KCTD11: variants seen among roughly 807,000 people sequenced by gnomAD.
KCTD11 encodes BTB/POZ domain-containing protein KCTD11.
In KCTD11, 8 loss-of-function variants were observed where a neutral mutation model predicts 10.7. That is an observed-to-expected ratio of 0.74 (90% CI 0.44 to 1.34). The LOEUF (loss-of-function observed/expected upper bound fraction) is 1.34, where lower values mean the gene tolerates loss of function less well. Ranked by LOEUF, KCTD11 falls within the 40% of genes most tolerant of loss-of-function variation. The pLI is 0.01. For synonymous variants in KCTD11, 153 were observed against 160.8 expected (o/e 0.95, Z 0.37); for missense variants, 346 against 356.1 (o/e 0.97, Z 0.23).
rs1174692678 is a variant in KCTD11, at chr17:7,352,932, TC to T, written c.110del (p.Pro37GlnfsTer43). 2.6e-6 allele frequency: 4 copies of T among 1,568,024 alleles called. No homozygotes were observed. The highest frequency in any genetic ancestry group is 3.5e-6 in the Non-Finnish European group (4 of 1,152,794). On this transcript the variant is annotated frameshift_variant, in exon 1 of 1. Coordinates refer to ENST00000333751, the MANE Select transcript of KCTD11 (RefSeq NM_001363642.1). LOFTEE classifies it high-confidence loss of function. The surrounding 1 kb of genome is among the most constrained non-coding windows in gnomAD (Gnocchi z 4.5). ...ACCACTTTGGAGACCCTGACCCGCTTCCCAGACTCTATGCTGGGGGCCATGT... is the reference window on the plus strand; with the variant it reads ...ACCACTTTGGAGACCCTGACCCGCTTCCAGACTCTATGCTGGGGGCCATGT...
chr17:7,353,535 A>T lies in KCTD11; in HGVS notation c.710A>T (p.Glu237Val), dbSNP rs370358704. 2.6e-5 allele frequency: 41 copies of T among 1,575,078 alleles called. No homozygotes were observed. Among genetic ancestry groups the T allele is most frequent in the Admixed American group, 5.3e-5 (3 of 56,558 alleles). ...GTGGTGGGCACCCCAAGCTTCCTGG[A>T]GGAGGTGCTGCGGGTGGCTCTCGAG... The change falls in exon 1 of 1, where the codon GAG becomes GTG. Residue 237 changes from glutamate (E) to valine (V), a missense_variant. Transcript: ENST00000333751. The surrounding 1 kb of genome is among the most constrained non-coding windows in gnomAD (Gnocchi z 4.9).
In KCTD11 at chr17:7,353,511, T is replaced by A; in HGVS notation, c.686T>A (p.Val229Glu). Residue 229 changes from valine to glutamate, a missense_variant, in exon 1 of 1, where the codon GTG (valine) becomes GAG (glutamate). Transcript: ENST00000333751. The surrounding 1 kb of genome is among the most constrained non-coding windows in gnomAD (Gnocchi z 4.9). ...GGGGGGCCAGGAGAGCGGCGGGAGG[T>A]GGTGGGCACCCCAAGCTTCCTGGAG... 6.4e-7 allele frequency: 1 copy of A among 1,565,476 alleles called. No individual in the cohort carries two copies. Among genetic ancestry groups the A allele is most frequent in the Non-Finnish European group, 8.7e-7 (1 of 1,153,708 alleles).
At position 7,353,555 on chromosome 17, in the gene KCTD11, C is replaced by G. The variant is rs1454706020; in HGVS notation, c.730C>G (p.Leu244Val). Residue 244 changes from leucine (L) to valine (V), a missense_variant, in exon 1 of 1, where the codon CTC becomes GTC. Leu to Val is a conservative substitution (Grantham distance 32, BLOSUM62 1). Transcript: ENST00000333751. The surrounding 1 kb of genome is among the most constrained non-coding windows in gnomAD (Gnocchi z 4.9). ...CCTGGAGGAGGTGCTGCGGGTGGCTCTCGAGCACGGCTTCCGACTAGACTC... is the reference window on the plus strand; with the variant it reads ...CCTGGAGGAGGTGCTGCGGGTGGCTGTCGAGCACGGCTTCCGACTAGACTC... The G allele has an allele frequency of 6.4e-7, 1 of 1,558,328 alleles. No homozygotes were observed. Among genetic ancestry groups the G allele is most frequent in the East Asian group, 2.3e-5 (1 of 44,376 alleles).
rs1267524323 is a variant in KCTD11, at chr17:7,354,513, G to A, written c.*872G>A. 6.1e-6 allele frequency: 1 copy of A among 162,802 alleles called. No individual in the cohort carries two copies. Among genetic ancestry groups the A allele is most frequent in the African/African-American group, 2.5e-5 (1 of 40,078 alleles). The allele number at this position is 162,802 out of a possible 1,614,324, so 10.1% of individuals were successfully genotyped here. ...ATACCTGTGAGGTGGTTGACAATTA[G>A]TAGTTTAATCACAGGGTGTGTGTGT... is the stretch of plus-strand genomic sequence containing the variant. On this transcript the variant is annotated 3_prime_UTR_variant, in exon 1 of 1. Coordinates refer to ENST00000333751, the MANE Select transcript of KCTD11 (RefSeq NM_001363642.1).
chr17:7,354,848 C>G lies in KCTD11; in HGVS notation c.*1207C>G. On this transcript the variant is annotated 3_prime_UTR_variant, in exon 1 of 1. Coordinates refer to ENST00000333751, the MANE Select transcript of KCTD11 (RefSeq NM_001363642.1). ...GGTCCCAGAGCGGGTGGGATACTCA[C>G]GCACAGCTTCTTCACTGGTGGGGGG... 3.9e-6 allele frequency: 1 copy of G among 257,114 alleles called. No individual in the cohort carries two copies. Among genetic ancestry groups the G allele is most frequent in the Non-Finnish European group, 8.0e-6 (1 of 124,542 alleles). 15.9% of individuals were successfully genotyped at this position (257,114 alleles called of 1,614,324 possible).
In KCTD11 at chr17:7,353,073, G is replaced by C. The variant is rs758327151; in HGVS notation, c.248G>C (p.Arg83Pro). 1 of 1,613,306 alleles carries C rather than the reference G, an allele frequency of 6.2e-7. No homozygotes were observed. The highest frequency in any genetic ancestry group is 2.2e-5 in the East Asian group (1 of 44,888). Residue 83 changes from arginine (R) to proline (P), a missense_variant, in exon 1 of 1, where the codon CGC becomes CCC. Transcript: ENST00000333751. The surrounding 1 kb of genome is among the most constrained non-coding windows in gnomAD (Gnocchi z 4.9). ...ATCCTCAATTTCCTGAGGCTGGGCCGCCTGGACCTGCCCCGTGGGTACGGA... is the reference window on the plus strand; with the variant it reads ...ATCCTCAATTTCCTGAGGCTGGGCCCCCTGGACCTGCCCCGTGGGTACGGA...
rs200825321 is a variant in KCTD11, at chr17:7,353,633, C to T, written c.808C>T (p.Arg270Trp). The T allele has an allele frequency of 1.4e-5, 21 of 1,515,692 alleles. No individual in the cohort carries two copies. In the Admixed American group the frequency reaches 2.0e-4, roughly 15 times the overall value. 93.9% of individuals were successfully genotyped at this position (1,515,692 alleles called of 1,614,324 possible). A position where few individuals can be genotyped will look rare whatever the true frequency, so the allele number is the denominator to read the frequency against. The change falls in exon 1 of 1, where the codon CGG (arginine) becomes TGG (tryptophan). Residue 270 changes from arginine (R) to tryptophan (W), a missense_variant. Coordinates refer to ENST00000333751, the MANE Select transcript of KCTD11 (RefSeq NM_001363642.1). The surrounding 1 kb of genome is among the most constrained non-coding windows in gnomAD (Gnocchi z 4.9). The stretch of plus-strand genomic sequence containing the variant: ...CAACTCCAGGTCTCTGCGCTTTGTC[C>T]GGCACTGAGGATGCTGTTCTCAGTT...
chr17:7,353,800 C>T lies in KCTD11; in HGVS notation c.*159C>T. 2.8e-6 allele frequency: 2 copies of T among 710,360 alleles called. No homozygotes were observed. Among genetic ancestry groups the T allele is most frequent in the East Asian group, 5.6e-5 (2 of 35,902 alleles). The allele number at this position is 710,360 out of a possible 1,614,324, so 44.0% of individuals were successfully genotyped here. ...GCAGGAATTCCCAAACCTGAGCCCA[C>T]CAAGGACTCACAAGTGGTCCAGAAG... is the stretch of plus-strand genomic sequence containing the variant. On this transcript the variant is annotated 3_prime_UTR_variant, in exon 1 of 1. Transcript: ENST00000333751. This position sits in a 1 kb window ranked among gnomAD's most constrained non-coding sequence, Gnocchi z 4.9.
In KCTD11 at chr17:7,353,140, C is replaced by G; in HGVS notation, c.315C>G (p.Ile105Met). ...GGGCAGAGGCTGACTTCTACCAGATCCGGCCCCTCCTGGACGCGCTGCGGG... is the reference window on the plus strand; with the variant it reads ...GGGCAGAGGCTGACTTCTACCAGATGCGGCCCCTCCTGGACGCGCTGCGGG... Residue 105 changes from isoleucine (I) to methionine (M), a missense_variant, in exon 1 of 1, where the codon ATC becomes ATG. Physicochemically the swap from Ile to Met is conservative, Grantham distance 10 (BLOSUM62 1). Transcript: ENST00000333751. This position sits in a 1 kb window ranked among gnomAD's most constrained non-coding sequence, Gnocchi z 4.9. The G allele has an allele frequency of 6.2e-7, 1 of 1,612,944 alleles. No homozygotes were observed. The highest frequency in any genetic ancestry group is 8.5e-7 in the Non-Finnish European group (1 of 1,179,414).
chr17:7,353,440 C>T lies in KCTD11; in HGVS notation c.615C>T (p.Leu205=). The change falls in exon 1 of 1, where the codon CTC becomes CTT. Residue 205 remains leucine (L), a synonymous_variant. Coordinates refer to ENST00000333751, the MANE Select transcript of KCTD11 (RefSeq NM_001363642.1). This position sits in a 1 kb window ranked among gnomAD's most constrained non-coding sequence, Gnocchi z 4.9. ...AGTGGGCCCCCCGCCCCGTGGAACTCCCCGAGGTGGAGTATGGGAGACTGG... is the reference window on the plus strand; with the variant it reads ...AGTGGGCCCCCCGCCCCGTGGAACTTCCCGAGGTGGAGTATGGGAGACTGG... 1 of 1,612,586 alleles carries T rather than the reference C, an allele frequency of 6.2e-7. No individual in the cohort carries two copies. The highest frequency in any genetic ancestry group is 8.5e-7 in the Non-Finnish European group (1 of 1,179,946).
chr17:7,352,951 G>T lies in KCTD11; in HGVS notation c.126G>T (p.Gly42=). The stretch of plus-strand genomic sequence containing the variant: ...CCCGCTTCCCAGACTCTATGCTGGG[G>T]GCCATGTTTAGGGCCGGCACCCCCA... Residue 42 remains glycine (G), a synonymous_variant, in exon 1 of 1, where the codon GGG becomes GGT. Transcript: ENST00000333751. The surrounding 1 kb of genome is among the most constrained non-coding windows in gnomAD (Gnocchi z 4.5). 5.7e-6 allele frequency: 9 copies of T among 1,588,706 alleles called. No individual in the cohort carries two copies. Among genetic ancestry groups the T allele is most frequent in the Non-Finnish European group, 7.7e-6 (9 of 1,163,224 alleles).
At position 7,354,023 on chromosome 17, in the gene KCTD11, T is replaced by A. The variant is rs1779392085; in HGVS notation, c.*382T>A. The A allele has an allele frequency of 5.0e-6, 1 of 199,926 alleles. No homozygotes were observed. Among genetic ancestry groups the A allele is most frequent in the Non-Finnish European group, 1.1e-5 (1 of 89,692 alleles). 12.4% of individuals were successfully genotyped at this position (199,926 alleles called of 1,614,324 possible). A position where few individuals can be genotyped will look rare whatever the true frequency, so the allele number is the denominator to read the frequency against. On this transcript the variant is annotated 3_prime_UTR_variant, in exon 1 of 1. Coordinates refer to ENST00000333751, the MANE Select transcript of KCTD11 (RefSeq NM_001363642.1). The stretch of plus-strand genomic sequence containing the variant: ...TTGAGGTCTGGGGAAAAGGGAGGAC[T>A]TTGCATTTTCCCAATGCGGTCTCTT...
chr17:7,353,621 C>G lies in KCTD11; in HGVS notation c.796C>G (p.Leu266Val). 4 of 1,520,150 alleles carry G rather than the reference C, an allele frequency of 2.6e-6. No homozygotes were observed. The highest frequency in any genetic ancestry group is 3.5e-6 in the Non-Finnish European group (4 of 1,135,322). 94.2% of individuals were successfully genotyped at this position (1,520,150 alleles called of 1,614,324 possible). ...CGAAGACCTGCTCAACTCCAGGTCT[C>G]TGCGCTTTGTCCGGCACTGAGGATG... The change falls in exon 1 of 1, where the codon CTG becomes GTG. Residue 266 changes from leucine to valine, a missense_variant. Transcript: ENST00000333751. The surrounding 1 kb of genome is among the most constrained non-coding windows in gnomAD (Gnocchi z 4.9).
Position 7,353,870 on chromosome 17 carries a change from C to T in KCTD11, c.*229C>T. 2.2e-6 allele frequency: 1 copy of T among 462,918 alleles called. No homozygotes were observed. Among genetic ancestry groups the T allele is most frequent in the Non-Finnish European group, 3.9e-6 (1 of 255,598 alleles). 28.7% of individuals were successfully genotyped at this position (462,918 alleles called of 1,614,324 possible). A position where few individuals can be genotyped will look rare whatever the true frequency, so the allele number is the denominator to read the frequency against. On this transcript the variant is annotated 3_prime_UTR_variant, in exon 1 of 1. Coordinates refer to ENST00000333751, the MANE Select transcript of KCTD11 (RefSeq NM_001363642.1). This position sits in a 1 kb window ranked among gnomAD's most constrained non-coding sequence, Gnocchi z 4.9. ...CTGGGAGGGGTAGGGAAGGTTCTCTCAGCTTGTTCTTGCCTAAGGCTGAGC... is the reference window on the plus strand; with the variant it reads ...CTGGGAGGGGTAGGGAAGGTTCTCTTAGCTTGTTCTTGCCTAAGGCTGAGC...
Position 7,353,713 on chromosome 17 carries a change from G to T in KCTD11, c.*72G>T. The T allele has an allele frequency of 7.2e-7, 1 of 1,398,222 alleles. No individual in the cohort carries two copies. The highest frequency in any genetic ancestry group is 9.6e-7 in the Non-Finnish European group (1 of 1,036,554). 86.6% of individuals were successfully genotyped at this position (1,398,222 alleles called of 1,614,324 possible). A position where few individuals can be genotyped will look rare whatever the true frequency, so the allele number is the denominator to read the frequency against. ...CTAGCACCCCTGAAGCCTCTTTCCA[G>T]CTCTGCTTCAGGAGCTATGAGAGTC... On this transcript the variant is annotated 3_prime_UTR_variant, in exon 1 of 1. Transcript: ENST00000333751. This position sits in a 1 kb window ranked among gnomAD's most constrained non-coding sequence, Gnocchi z 4.9.
chr17:7,352,990 CA>C lies in KCTD11; in HGVS notation c.167del (p.Asn56IlefsTer24), dbSNP rs1226185420. On this transcript the variant is annotated frameshift_variant, in exon 1 of 1. Transcript: ENST00000333751. LOFTEE classifies it high-confidence loss of function. This position sits in a 1 kb window ranked among gnomAD's most constrained non-coding sequence, Gnocchi z 4.5. Reference sequence around the variant, plus strand: ...CCGGCACCCCCATGCCCCCCAACCTCAATTCCCAAGGAGGCGGCCACTACTT... The same window carrying C: ...CCGGCACCCCCATGCCCCCCAACCTCATTCCCAAGGAGGCGGCCACTACTT... The C allele has an allele frequency of 6.2e-7, 1 of 1,608,392 alleles. No individual in the cohort carries two copies. The highest frequency in any genetic ancestry group is 8.5e-7 in the Non-Finnish European group (1 of 1,176,130).
Position 7,352,340 on chromosome 17 carries a change from G to C in KCTD11, c.-486G>C, listed in dbSNP as rs2143019286. The C allele has an allele frequency of 6.5e-6, 1 of 154,426 alleles. No individual in the cohort carries two copies. The highest frequency in any genetic ancestry group is 2.1e-4 in the South Asian group (1 of 4,866). The allele number at this position is 154,426 out of a possible 1,614,324, so 9.6% of individuals were successfully genotyped here. On this transcript the variant is annotated 5_prime_UTR_variant, in exon 1 of 1. Coordinates refer to ENST00000333751, the MANE Select transcript of KCTD11 (RefSeq NM_001363642.1). The surrounding 1 kb of genome is among the most constrained non-coding windows in gnomAD (Gnocchi z 4.5). ...GGGGCTCCGCCATCCGCTCCCGTCA[G>C]TTCGGCCTCCATCTCCTGGGACCCG...
At position 7,353,357 on chromosome 17, in the gene KCTD11, G is replaced by A. The variant is rs1285724089; in HGVS notation, c.532G>A (p.Ala178Thr). Reference sequence around the variant, plus strand: ...CTCTGAGTGTCTAGGTGCTTTGCGGGCCCGATTTGGTGTGGCCAGTGGGGA... The same window carrying A: ...CTCTGAGTGTCTAGGTGCTTTGCGGACCCGATTTGGTGTGGCCAGTGGGGA... The change falls in exon 1 of 1, where the codon GCC (alanine) becomes ACC (threonine). Residue 178 changes from alanine to threonine, a missense_variant. By Grantham distance (58) the Ala-to-Thr change is moderately conservative. Coordinates refer to ENST00000333751, the MANE Select transcript of KCTD11 (RefSeq NM_001363642.1). The surrounding 1 kb of genome is among the most constrained non-coding windows in gnomAD (Gnocchi z 4.9). The A allele has an allele frequency of 6.2e-7, 1 of 1,614,122 alleles. No individual in the cohort carries two copies. The highest frequency in any genetic ancestry group is 1.7e-5 in the Admixed American group (1 of 60,032).
Position 7,353,666 on chromosome 17 carries a change from G to A in KCTD11, c.*25G>A, listed in dbSNP as rs955116742. On this transcript the variant is annotated 3_prime_UTR_variant, in exon 1 of 1. Transcript: ENST00000333751. The surrounding 1 kb of genome is among the most constrained non-coding windows in gnomAD (Gnocchi z 4.9). The stretch of plus-strand genomic sequence containing the variant: ...AGGATGCTGTTCTCAGTTTGACTGT[G>A]GGGAGGAGAGAGAATGGGGTACTAG... 6.6e-7 allele frequency: 1 copy of A among 1,509,616 alleles called. No individual in the cohort carries two copies. Among genetic ancestry groups the A allele is most frequent in the East Asian group, 2.3e-5 (1 of 43,896 alleles). 93.5% of individuals were successfully genotyped at this position (1,509,616 alleles called of 1,614,324 possible). A position where few individuals can be genotyped will look rare whatever the true frequency, so the allele number is the denominator to read the frequency against.
Sources: gnomAD v4.1 joint callset for allele counts on GRCh38, gnomAD v4.1.1 for gene constraint, Gnocchi (gnomAD v3.1) non-coding constraint, MANE v1.5 for transcripts, NCBI Gene and HGNC (gene_info 2026-07-23, HGNC 2026-07-21) for gene names.